RPTOR: variants seen among roughly 807,000 people sequenced by gnomAD.
RPTOR encodes regulatory-associated protein of mTOR.
Under a neutral mutation model 169.9 loss-of-function variants are expected in RPTOR, and 21 were observed. The observed-to-expected ratio is 0.12, with a 90% CI of 0.09 to 0.18. RPTOR has a LOEUF of 0.18. Among genes scored for constraint, RPTOR ranks in the 10% least tolerant of loss-of-function variants. The pLI is 1.00. For synonymous variants in RPTOR, 732 were observed against 753.2 expected (o/e 0.97, Z 0.46); for missense variants, 1,133 against 1,855.9 (o/e 0.61, Z 7.16).
At chr17:80,939,207 A>G (rs1007168104) in intron 24 of RPTOR, among the ~76,000 whole-genome samples, 28 of 152,234 alleles carry the variant, frequency 1.8e-4, no homozygotes, top group African/African-American at 6.8e-4. Context: ...GACGGCATGT[A>G]TGCTTAAGGA....
At chr17:80,599,894 T>G (rs755763065) in intron 1 of RPTOR, among the ~76,000 whole-genome samples, 54 of 152,150 alleles carry the variant, frequency 3.5e-4, no homozygotes, top group Non-Finnish European at 6.9e-4. Flanking sequence ...TTTAGGAGAT[T>G]TCCAGGCAGA....
chr17:80,937,845 C>T (rs2068973418), intron 24 of RPTOR, among the ~76,000 whole-genome samples: 1 of 152,260 alleles, frequency 6.6e-6, no homozygotes, highest in Admixed American at 6.5e-5. Flanking sequence ...CCCCTGGCCT[C>T]TCCATCCACC....
chr17:80,614,842 A>G (rs988480674), intron 1 of RPTOR, among the ~76,000 whole-genome samples: 1 of 152,234 alleles, frequency 6.6e-6, no homozygotes, highest in Admixed American at 6.5e-5. Flanking sequence ...TTAGTCGTCG[A>G]TAATCCCCAA....
At chr17:80,883,756 C>G (rs1484206831) in intron 15 of RPTOR, 25 bp from the exon 16 acceptor site, 2 of 1,611,560 alleles carry the variant, frequency 1.2e-6, no homozygotes, top group East Asian at 4.5e-5. Flanking sequence ...CAGAGGCCAA[C>G]CTGTCTGTGG....
In RPTOR at chr17:80,730,758, T is replaced by TTTTGGCG; in HGVS notation, c.654+52_654+53insTTTGGCG. ...GTGCTGGGTTTGGTTTTGTTTTCCC[T>TTTTGGCG]GGGGGTGGGGTTTGGGTGGGGAGGT... On this transcript the variant is annotated intron_variant, in intron 5 of 33. Coordinates refer to ENST00000306801, the MANE Select transcript of RPTOR (RefSeq NM_020761.3). The surrounding 1 kb of genome is among the most constrained non-coding windows in gnomAD (Gnocchi z 4.2). 3 of 467,258 alleles carry TTTTGGCG rather than the reference T, an allele frequency of 6.4e-6. No individual in the cohort carries two copies. Among genetic ancestry groups the TTTTGGCG allele is most frequent in the Non-Finnish European group, 1.2e-5 (3 of 254,706 alleles). 28.9% of individuals were successfully genotyped at this position (467,258 alleles called of 1,614,324 possible).
At chr17:80,930,423 GCTC>G (rs1567993827) in intron 24 of RPTOR, among the ~76,000 whole-genome samples, 7 of 920 alleles carry the variant, frequency 7.6e-3, no homozygotes, top group South Asian at 0.024. Context: ...CTCATCCTCA[GCTC>G]ATCCTCATCC....
intron 3 of RPTOR, among the ~76,000 whole-genome samples, chr17:80,688,665 C>T (rs1256227080): frequency 6.6e-6 from 1 of 152,246 alleles, no homozygotes; most frequent in African/African-American, 2.4e-5. Context: ...CTTTAAGCAT[C>T]TCCGGTGCTA....
chr17:80,559,020 C>A (rs2084445556), intron 1 of RPTOR, among the ~76,000 whole-genome samples: 1 of 152,172 alleles, frequency 6.6e-6, no homozygotes, highest in Admixed American at 6.5e-5. Flanking sequence ...CCACCAGCAT[C>A]CACCACCAGC....
At chr17:80,683,758 T>C (rs1273586650) in intron 3 of RPTOR, among the ~76,000 whole-genome samples, 1 of 152,200 alleles carries the variant, frequency 6.6e-6, no homozygotes, top group East Asian at 1.9e-4. Flanking sequence ...CCAAGCTCAC[T>C]CCTGTCCATG....
At chr17:80,634,535 T>G (rs1052266282) in intron 2 of RPTOR, among the ~76,000 whole-genome samples, 5 of 125,166 alleles carry the variant, frequency 4.0e-5, no homozygotes, top group Non-Finnish European at 8.5e-5. Context: ...TGTGTGCATG[T>G]GCGTACTGTG....
chr17:80,856,028 A>G (rs949256022), intron 12 of RPTOR, among the ~76,000 whole-genome samples: 1 of 152,126 alleles, frequency 6.6e-6, no homozygotes, highest in Non-Finnish European at 1.5e-5. Flanking sequence ...GCCACTAAAA[A>G]CACCCTGGCA....
chr17:80,728,925 A>G (rs1350273552), intron 4 of RPTOR, among the ~76,000 whole-genome samples: 2 of 152,190 alleles, frequency 1.3e-5, no homozygotes, highest in Non-Finnish European at 2.9e-5. Flanking sequence ...AGCAGTGATT[A>G]TAAACAGTCC....
At chr17:80,719,647 T>TTCC (rs1316832148) in intron 4 of RPTOR, among the ~76,000 whole-genome samples, 2 of 152,118 alleles carry the variant, frequency 1.3e-5, no homozygotes, top group Non-Finnish European at 2.9e-5. Flanking sequence ...GGTCAGCAGA[T>TTCC]TCCTCCTCCT....
rs2143479098 is a variant in RPTOR at position 80,609,142 on chromosome 17, CCTGCCTCGGG to C, written c.163-16544_163-16535del. 6.6e-6 allele frequency among the ~76,000 whole-genome samples: 1 copy of C among 152,262 alleles called. No individual in the cohort carries two copies. Among genetic ancestry groups the C allele is most frequent in the South Asian group, 2.1e-4 (1 of 4,824 alleles). ...ACCCGTGTGGAGAGGGCATCACTAG[CCTGCCTCGGG>C]CTGCAGGGGGCGGGGAGCACATGCG... On this transcript the variant is annotated intron_variant, in intron 1 of 33. Coordinates refer to ENST00000306801, the MANE Select transcript of RPTOR (RefSeq NM_020761.3). This position sits in a 1 kb window ranked among gnomAD's most constrained non-coding sequence, Gnocchi z 4.8.
rs1362134461 is a variant in RPTOR at position 80,633,164 on chromosome 17, T to C, written c.265+7371T>C. On this transcript the variant is annotated intron_variant, in intron 2 of 33. Coordinates refer to ENST00000306801, the MANE Select transcript of RPTOR (RefSeq NM_020761.3). This position sits in a 1 kb window ranked among gnomAD's most constrained non-coding sequence, Gnocchi z 4.1. The stretch of plus-strand genomic sequence containing the variant: ...TAGTACTAAGCTGTTTCCTTTCTGA[T>C]TCTCTGAGAGAAGGCGGCTGACATG... 6.6e-6 allele frequency among the ~76,000 whole-genome samples: 1 copy of C among 152,246 alleles called. No individual in the cohort carries two copies. The highest frequency in any genetic ancestry group is 2.4e-5 in the African/African-American group (1 of 41,464).
intron 3 of RPTOR, among the ~76,000 whole-genome samples, chr17:80,674,802 AAAAAAAAAAAAAAAAAAAAAAAAC>A (rs2065849472): frequency 9.2e-6 from 1 of 108,288 alleles, no homozygotes; most frequent in African/African-American, 5.6e-5. Flanking sequence ...AAAAAAAAAA[AAAAAAAAAAAAAAAAAAAAAAAAC>A]AACTTCTCAA....
chr17:80,930,385 G>GGTCACC (rs2068875317), intron 24 of RPTOR, among the ~76,000 whole-genome samples: 3 of 1,350 alleles, frequency 2.2e-3, no homozygotes, highest in African/African-American at 5.9e-3. Flanking sequence ...CCCCAGCTCA[G>GGTCACC]CTCAGCTCAT....
At chr17:80,831,806 CCT>C (rs946270747) in intron 9 of RPTOR, among the ~76,000 whole-genome samples, 28 of 150,918 alleles carry the variant, frequency 1.9e-4, no homozygotes, top group African/African-American at 6.9e-4. Flanking sequence ...ACCGTGTATC[CCT>C]GTGTGTCACC....
At position 80,754,200 on chromosome 17, in the gene RPTOR, C is replaced by G; in HGVS notation, c.830+15C>G. 6.3e-7 allele frequency: 1 copy of G among 1,580,114 alleles called. No individual in the cohort carries two copies. On this transcript the variant is annotated intron_variant, in intron 6 of 33. Transcript: ENST00000306801. The surrounding 1 kb of genome is among the most constrained non-coding windows in gnomAD (Gnocchi z 4.2). Reference sequence around the variant, plus strand: ...GCCCTGCGCTGGTGAGTGGCCCCTGCTGTGCCCCTGGGACCCACTCAACTG... The same window carrying G: ...GCCCTGCGCTGGTGAGTGGCCCCTGGTGTGCCCCTGGGACCCACTCAACTG...
Sources: allele counts gnomAD v4.1 joint callset (sites outside exome capture counted in the v4.1 genomes callset), GRCh38; gene constraint gnomAD v4.1.1; non-coding constraint Gnocchi (gnomAD v3.1); transcripts MANE v1.5; gene names NCBI Gene and HGNC (gene_info 2026-07-23, HGNC 2026-07-21).